TSPAN10: variants seen among roughly 807,000 people sequenced by gnomAD.
TSPAN10 encodes the protein tetraspanin-10.
A neutral mutation model predicts 15.0 loss-of-function variants in TSPAN10; 11 were observed. The observed-to-expected ratio is 0.73, with a 90% confidence interval of 0.46 to 1.21. The LOEUF is 1.21. TSPAN10 is among the 50% of genes most tolerant of loss of function. TSPAN10 has a pLI of 0.00. For missense variants in TSPAN10, 486 were observed against 470.6 expected, an observed-to-expected ratio of 1.03 and a Z score of -0.30; for synonymous variants, 241 against 226.2, an observed-to-expected ratio of 1.07 and a Z score of -0.59.
chr17:81,642,378 G>A (rs374460376), upstream of TSPAN10: 64 of 1,613,192 alleles, frequency 4.0e-5, 1 homozygote, highest in African/African-American at 4.0e-4. Context: ...CTCTCCCGGC[G>A]CCTGTGCTGG....
chr17:81,645,035 C>T lies in TSPAN10; in HGVS notation c.80C>T (p.Thr27Ile), dbSNP rs1197215385. The T allele has an allele frequency of 1.6e-5, 26 of 1,596,238 alleles. No individual in the cohort carries two copies. Among genetic ancestry groups the T allele is most frequent in the Non-Finnish European group, 2.2e-5 (26 of 1,167,874 alleles). The change falls in exon 2 of 3, where the codon ACC becomes ATC. Residue 27 changes from threonine (T) to isoleucine (I), a missense_variant. By Grantham distance (89) the Thr-to-Ile change is moderately conservative. Coordinates refer to ENST00000611590, the Ensembl canonical transcript of TSPAN10. Reference sequence around the variant, plus strand: ...CCCCTCTCTGTGCACAGGCCACCCACCTCAGGCTGCCTAGGTCCAGTGCCC... The same window carrying T: ...CCCCTCTCTGTGCACAGGCCACCCATCTCAGGCTGCCTAGGTCCAGTGCCC...
chr17:81,640,899 G>A (rs771151431), upstream of TSPAN10, among the ~76,000 whole-genome samples: 8 of 152,064 alleles, frequency 5.3e-5, no homozygotes, highest in East Asian at 3.9e-4. Context: ...TTGGCCGGGC[G>A]TGGTGGCTCA....
At chr17:81,645,074 C>A (rs770610273) in exon 2 of TSPAN10, 1 of 1,594,188 alleles carries the variant, frequency 6.3e-7, no homozygotes, top group Admixed American at 1.9e-5. Flanking sequence ...GAGGACCAGG[C>A]GGAGGCCTGG....
exon 1 of TSPAN10, chr17:81,637,285 A>G (rs1390275749): frequency 1.1e-5 from 7 of 624,026 alleles, no homozygotes; most frequent in South Asian, 1.0e-4. Flanking sequence ...CAAGCGGCAC[A>G]GGAAAGTCCA....
intron 1 of TSPAN10, among the ~76,000 whole-genome samples, chr17:81,643,882 G>A (rs1461324258): frequency 6.6e-6 from 1 of 151,972 alleles, no homozygotes; most frequent in Non-Finnish European, 1.5e-5. Flanking sequence ...GCAGTCACGC[G>A]ATCTCTGCTC....
rs564553714 is a variant in TSPAN10 at position 81,645,921 on chromosome 17, TACAC to T, written c.674+297_674+300del. 8 of 561,668 alleles carry T rather than the reference TACAC, an allele frequency of 1.4e-5. No individual in the cohort carries two copies. In the South Asian group the frequency reaches 1.7e-4, roughly 12 times the overall value. 34.8% of individuals were successfully genotyped at this position (561,668 alleles called of 1,614,324 possible). Reference sequence around the variant, plus strand: ...ACACACTCACACTCAAACATGTTCATACACACACGTGTCATGCACACAAGGTATA... The same window carrying T: ...ACACACTCACACTCAAACATGTTCATACACGTGTCATGCACACAAGGTATA... On this transcript the variant is annotated intron_variant, in intron 2 of 2. Coordinates refer to ENST00000611590, the Ensembl canonical transcript of TSPAN10.
upstream of TSPAN10, chr17:81,638,084 TA>T (rs2036131973): frequency 2.4e-5 from 1 of 41,130 alleles, no homozygotes; most frequent in African/African-American, 2.0e-4. Flanking sequence ...ATTAATTGAT[TA>T]AATTATGTTA....
chr17:81,648,429 C>T (rs2036290189), downstream of TSPAN10: 2 of 867,252 alleles, frequency 2.3e-6, no homozygotes, highest in Non-Finnish European at 3.0e-6. Context: ...GCAGGACCTA[C>T]CCAGCTCGCT....
chr17:81,641,277 T>A (rs1188948237), upstream of TSPAN10, among the ~76,000 whole-genome samples: 2 of 152,150 alleles, frequency 1.3e-5, no homozygotes, highest in Non-Finnish European at 2.9e-5. Context: ...AGGTTGGGTT[T>A]GTCACCTTTG....
chr17:81,637,662 G>C, upstream of TSPAN10: 1 of 373,576 alleles, frequency 2.7e-6, no homozygotes, highest in African/African-American at 2.1e-5. Flanking sequence ...GGCCATACGC[G>C]GTGGCTCACG....
At chr17:81,637,546 C>T (rs1034948989), upstream of TSPAN10, 11 of 578,944 alleles carry the variant, frequency 1.9e-5, no homozygotes, top group African/African-American at 2.1e-4. Context: ...TACCTGTAAT[C>T]CCAGCATTTT....
chr17:81,648,423 G>A (rs1476576564), downstream of TSPAN10: 38 of 901,032 alleles, frequency 4.2e-5, no homozygotes, highest in Non-Finnish European at 5.1e-5. Flanking sequence ...TTCGCCGCAG[G>A]ACCTACCCAG....
chr17:81,642,487 T>C, intron 1 of TSPAN10, 39 bp downstream of exon 2: 1 of 1,586,438 alleles, frequency 6.3e-7, no homozygotes, highest in Non-Finnish European at 8.6e-7. Context: ...AGGTTGGAGA[T>C]GTCCCCAGCC....
At chr17:81,648,137 T>C (rs1234554141) in exon 3 of TSPAN10, 3 of 1,534,788 alleles carry the variant, frequency 2.0e-6, no homozygotes, top group African/African-American at 1.4e-5. Flanking sequence ...GTGGTGCTGC[T>C]GCAGGGCGCG....
chr17:81,640,860 G>T (rs1170350579), upstream of TSPAN10, among the ~76,000 whole-genome samples: 2 of 152,134 alleles, frequency 1.3e-5, no homozygotes, highest in Admixed American at 1.3e-4. Context: ...GGTAGATGAT[G>T]ATCGTTTCAT....
chr17:81,639,678 A>ACGGTGGCTCATGCCTGTCATCCCAGCG (rs2036160557), upstream of TSPAN10, among the ~76,000 whole-genome samples: 1 of 149,738 alleles, frequency 6.7e-6, no homozygotes, highest in Non-Finnish European at 1.5e-5. Flanking sequence ...TCATCCCAGC[A>ACGGTGGCTCATGCCTGTCATCCCAGCG]CGGTGGCTCA....
At chr17:81,645,102 C>G in exon 2 of TSPAN10, 1 of 1,589,364 alleles carries the variant, frequency 6.3e-7, no homozygotes, top group South Asian at 1.1e-5. Context: ...GCTGCTGTCC[C>G]CCGGAGACCA....
chr17:81,642,591 G>A, intron 1 of TSPAN10, 143 bp downstream of exon 2: 1 of 812,344 alleles, frequency 1.2e-6, no homozygotes, highest in Non-Finnish European at 2.0e-6. Flanking sequence ...GGTTGAGGGG[G>A]GTGGTTCTAG....
At chr17:81,646,273 T>G (rs902006044) in intron 2 of TSPAN10, 2 of 153,770 alleles carry the variant, frequency 1.3e-5, no homozygotes, top group African/African-American at 4.8e-5. Flanking sequence ...GCACCTGTAA[T>G]CCCAGCTACT....
Sources: gnomAD v4.1 joint callset for allele counts (sites outside exome capture counted in the v4.1 genomes callset) on GRCh38, gnomAD v4.1.1 for gene constraint, MANE v1.5 for transcripts, NCBI Gene and HGNC (gene_info 2026-07-23, HGNC 2026-07-21) for gene names.